The following TRAP1 variants were observed in gnomAD, a reference collection of about 807,000 sequenced individuals.
The protein encoded by TRAP1 is TNF receptor associated protein 1.
TRAP1 carries 102 observed loss-of-function variants against 89.1 expected under a neutral mutation model. The observed-to-expected ratio is 1.15, with a 90% CI of 0.98 to 1.35. The LOEUF is 1.35. TRAP1 is among the 40% of genes most tolerant of loss of function. The pLI is 0.00. For missense variants in TRAP1, 1,256 were observed against 945.3 expected, an observed-to-expected ratio of 1.33 and a Z score of -4.31; for synonymous variants, 508 against 388.0, an observed-to-expected ratio of 1.31 and a Z score of -3.64.
chr16:3,699,618 A>C (rs957529656), intron 1 of TRAP1, among the ~76,000 whole-genome samples: 1 of 143,374 alleles, frequency 7.0e-6, no homozygotes, highest in Non-Finnish European at 1.5e-5. Context: ...GACAAGAGTG[A>C]AACTCCGTCT....
At chr16:3,710,619 G>C (rs1357762581) in intron 1 of TRAP1, among the ~76,000 whole-genome samples, 1 of 152,038 alleles carries the variant, frequency 6.6e-6, no homozygotes, top group Non-Finnish European at 1.5e-5. Context: ...TGGAAAATTC[G>C]CTTGAACATT....
At chr16:3,679,695 G>A (rs1461482826) in intron 5 of TRAP1, 24 bp downstream of exon 5, 6 of 1,613,144 alleles carry the variant, frequency 3.7e-6, no homozygotes, top group Non-Finnish European at 5.1e-6. Flanking sequence ...GAAGGGGGAG[G>A]CTGTGTGGGG....
chr16:3,683,447 G>A (rs1013269020), intron 4 of TRAP1, among the ~76,000 whole-genome samples: 6 of 149,384 alleles, frequency 4.0e-5, no homozygotes, highest in African/African-American at 7.4e-5. Flanking sequence ...GTGCAATGGC[G>A]CGATCTCAGC....
intron 1 of TRAP1, among the ~76,000 whole-genome samples, chr16:3,694,078 C>T (rs1388719132): frequency 2.0e-5 from 3 of 151,924 alleles, no homozygotes; most frequent in Non-Finnish European, 2.9e-5. Context: ...GTCCATCCCG[C>T]ACCTCTCCCC....
At chr16:3,696,355 G>A (rs1156967646) in intron 1 of TRAP1, among the ~76,000 whole-genome samples, 3 of 152,164 alleles carry the variant, frequency 2.0e-5, no homozygotes, top group Admixed American at 2.0e-4. Flanking sequence ...CAGAATCTAG[G>A]ACAATCTGTG....
rs781321602 is a variant in TRAP1 at position 3,686,104 on chromosome 16, G to A, written c.363C>T (p.Ser121=). ...VFIRELISNA[S]DALEKLRHKL... is the part of the protein sequence containing the mutation. ...TGTGACGCAGTTTTTCCAAGGCATCGCTGGCATTGGAGATCAGCTCCCGTA... is the reference window on the plus strand; with the variant it reads ...TGTGACGCAGTTTTTCCAAGGCATCACTGGCATTGGAGATCAGCTCCCGTA... The change falls in exon 4 of 18, where the codon AGC becomes AGT. Residue 121 remains serine (S), a synonymous_variant. Transcript: ENST00000246957. 1.3e-5 allele frequency: 21 copies of A among 1,614,068 alleles called. No homozygotes were observed. The highest frequency in any genetic ancestry group is 5.0e-5 in the Admixed American group (3 of 60,000).
intron 1 of TRAP1, among the ~76,000 whole-genome samples, chr16:3,700,717 C>T (rs377608232): frequency 7.9e-5 from 12 of 152,286 alleles, no homozygotes; most frequent in East Asian, 3.9e-4. Context: ...CCTCCTGCCT[C>T]AGCCTCCCAA....
At chr16:3,673,241 A>G (rs2050939501) in intron 9 of TRAP1, among the ~76,000 whole-genome samples, 1 of 152,194 alleles carries the variant, frequency 6.6e-6, no homozygotes, top group African/African-American at 2.4e-5. Flanking sequence ...GGATGATCTC[A>G]TGAGACGTGA....
At chr16:3,678,264 T>G (rs2051026336) in intron 5 of TRAP1, 1 of 152,612 alleles carries the variant, frequency 6.6e-6, no homozygotes, top group Admixed American at 6.5e-5. Context: ...TGCGACAGCC[T>G]GCCGAGCACC....
chr16:3,710,357 A>G (rs1392394571), intron 1 of TRAP1: 3 of 152,230 alleles, frequency 2.0e-5, no homozygotes, highest in African/African-American at 7.2e-5. Flanking sequence ...AGGCCACAGT[A>G]AGAGAGGCCA....
At chr16:3,693,795 C>T (rs928911879) in intron 1 of TRAP1, among the ~76,000 whole-genome samples, 2 of 151,968 alleles carry the variant, frequency 1.3e-5, no homozygotes, top group Admixed American at 6.6e-5. Context: ...GGGTTTAAGA[C>T]CAGCCTGGGC....
At chr16:3,659,818 T>TGATCTTGG (rs2042968090) in intron 16 of TRAP1, 1 of 152,046 alleles carries the variant, frequency 6.6e-6, no homozygotes, top group East Asian at 1.9e-4. Flanking sequence ...TGAAATGGCA[T>TGATCTTGG]GATCTTGGCT....
Position 3,661,842 on chromosome 16 carries a change from A to C in TRAP1, c.1940+145T>G, listed in dbSNP as rs1222178738. On this transcript the variant is annotated intron_variant, in intron 16 of 17. Coordinates refer to ENST00000246957, the MANE Select transcript of TRAP1 (RefSeq NM_016292.3). ...GTTCCATTTCACATGGGTGCAGCCTAAACTGCATACAGCTCCTTATAGTTA... is the reference window on the plus strand; with the variant it reads ...GTTCCATTTCACATGGGTGCAGCCTCAACTGCATACAGCTCCTTATAGTTA... 19 of 1,120,352 alleles carry C rather than the reference A, an allele frequency of 1.7e-5. No individual in the cohort carries two copies. The Middle Eastern group carries it at 6.3e-4, about 37-fold the overall frequency. 69.4% of individuals were successfully genotyped at this position (1,120,352 alleles called of 1,614,324 possible). A position where few individuals can be genotyped will look rare whatever the true frequency, so the allele number is the denominator to read the frequency against.
chr16:3,695,163 C>T (rs1353476921), intron 1 of TRAP1, among the ~76,000 whole-genome samples: 1 of 152,184 alleles, frequency 6.6e-6, no homozygotes, highest in African/African-American at 2.4e-5. Flanking sequence ...GACCCTATTT[C>T]CAAATATGGT....
chr16:3,666,046 C>T lies in TRAP1; in HGVS notation c.1308G>A (p.Lys436=), dbSNP rs1309669519. 6.2e-7 allele frequency: 1 copy of T among 1,614,086 alleles called. No homozygotes were observed. The highest frequency in any genetic ancestry group is 8.5e-7 in the Non-Finnish European group (1 of 1,180,034). ...CGTAATCTTCAAAAAACTTTGCATA[C>T]TTCTCAGCATCTTTTTTACTCTGGT... ...FIDQSKKDAE[K]YAKFFEDYGL... Residue 436 remains lysine, a synonymous_variant, in exon 12 of 18, where the codon AAG becomes AAA. Transcript: ENST00000246957.
chr16:3,661,946 G>C (rs1376606006), intron 16 of TRAP1, 41 bp downstream of exon 16: 4 of 1,555,062 alleles, frequency 2.6e-6, no homozygotes, highest in Admixed American at 1.9e-5. Flanking sequence ...CAGGATTCTG[G>C]GGAATCCCAC....
Position 3,681,314 on chromosome 16 carries a change from G to A in TRAP1, c.472-1524C>T, listed in dbSNP as rs535610857. Among the ~76,000 whole-genome samples, 65 of 152,348 alleles carry A rather than the reference G, an allele frequency of 4.3e-4. 1 individual carries two copies. In the South Asian group the frequency reaches 0.013, roughly 30 times the overall value. On this transcript the variant is annotated intron_variant, in intron 4 of 17. Coordinates refer to ENST00000246957, the MANE Select transcript of TRAP1 (RefSeq NM_016292.3). ...CCCACTAGCACCAGGCGCCAGTGCT[G>A]TCTCCATTGGCAAAGCAAGGGTGGT...
chr16:3,691,038 A>G (rs1432936226), intron 1 of TRAP1, 53 bp from the exon 2 acceptor site: 6 of 1,396,866 alleles, frequency 4.3e-6, no homozygotes, highest in Non-Finnish European at 5.7e-6. Flanking sequence ...ACGAGAAACA[A>G]TATGGTAATT....
intron 4 of TRAP1, among the ~76,000 whole-genome samples, chr16:3,681,772 T>C (rs1400809516): frequency 6.6e-6 from 1 of 152,196 alleles, no homozygotes; most frequent in Non-Finnish European, 1.5e-5. Context: ...TAGCTCCTAT[T>C]TTCAATTTAT....
Sources: allele counts gnomAD v4.1 joint callset (sites outside exome capture counted in the v4.1 genomes callset), GRCh38; gene constraint gnomAD v4.1.1; transcripts MANE v1.5; gene names NCBI Gene and HGNC (gene_info 2026-07-23, HGNC 2026-07-21).